THSD7B: variants seen among roughly 807,000 people sequenced by gnomAD.
THSD7B encodes thrombospondin type 1 domain containing 7B.
In THSD7B, 138 loss-of-function variants were observed where a neutral mutation model predicts 213.6. The ratio of observed to expected loss-of-function variants is 0.65; its 90% confidence interval spans 0.56 to 0.74. THSD7B has a LOEUF of 0.74. THSD7B is among the 30% of genes least tolerant of loss of function. The probability of loss-of-function intolerance (pLI) is 0.00; values close to 1 mark genes in which losing one functional copy is unlikely to be tolerated. For synonymous variants in THSD7B, 742 were observed against 687.0 expected (o/e 1.08, Z -1.25); for missense variants, 1,931 against 1,991.5 (o/e 0.97, Z 0.58).
chr2:137,465,237 C>A (rs1400896646), intron 15 of THSD7B, among the ~76,000 whole-genome samples: 1 of 151,322 alleles, frequency 6.6e-6, no homozygotes, highest in Non-Finnish European at 1.5e-5. Context: ...CCTTCAATGG[C>A]ATTCCCCATT....
At chr2:137,482,400 C>T (rs1688328022) in intron 15 of THSD7B, among the ~76,000 whole-genome samples, 1 of 152,158 alleles carries the variant, frequency 6.6e-6, no homozygotes, top group Admixed American at 6.5e-5. Context: ...TGTTTATTTA[C>T]TGTAGGACTT....
chr2:137,310,264 G>A (rs1174317206), intron 12 of THSD7B, among the ~76,000 whole-genome samples: 3 of 151,870 alleles, frequency 2.0e-5, no homozygotes, highest in African/African-American at 2.4e-5. Context: ...GTGATGGTGA[G>A]CATTTTTTCA....
In THSD7B at chr2:137,385,355, C is replaced by T. The variant is rs1685871185; in HGVS notation, c.2501-20258C>T. On this transcript the variant is annotated intron_variant, in intron 12 of 27. Coordinates refer to ENST00000409968, the MANE Select transcript of THSD7B (RefSeq NM_001316349.2). ...TCTGCCCTTAGATTCAGCAAGAGGG[C>T]ACCTGCCCTGGCCTCCATGCCCCTG... is the stretch of plus-strand genomic sequence containing the variant. 2.0e-5 allele frequency among the ~76,000 whole-genome samples: 3 copies of T among 152,104 alleles called. No homozygotes were observed. In the South Asian group the frequency reaches 6.2e-4, roughly 31 times the overall value.
chr2:137,211,381 T>C (rs1468020925), intron 7 of THSD7B, among the ~76,000 whole-genome samples: 1 of 9,062 alleles, frequency 1.1e-4, no homozygotes, highest in Non-Finnish European at 3.5e-4. Context: ...ATATTATAGA[T>C]GTTATAGTTG....
At chr2:137,566,529 G>C (rs892351341) in intron 16 of THSD7B, among the ~76,000 whole-genome samples, 1 of 152,180 alleles carries the variant, frequency 6.6e-6, no homozygotes, top group Non-Finnish European at 1.5e-5. Context: ...GGTGATGCCA[G>C]GGACTTGACC....
chr2:137,050,099 G>A (rs1177634080), intron 2 of THSD7B, among the ~76,000 whole-genome samples: 2 of 152,176 alleles, frequency 1.3e-5, no homozygotes, highest in Non-Finnish European at 2.9e-5. Context: ...ACTCTGGGCT[G>A]TAAGATTCTC....
chr2:137,573,824 T>A (rs891735879), intron 17 of THSD7B, among the ~76,000 whole-genome samples: 6 of 152,094 alleles, frequency 3.9e-5, no homozygotes, highest in South Asian at 2.1e-4. Flanking sequence ...ATGAACATTA[T>A]TCTATTGATG....
chr2:137,216,497 A>G (rs182427086), intron 7 of THSD7B, among the ~76,000 whole-genome samples: 7 of 152,142 alleles, frequency 4.6e-5, no homozygotes, highest in South Asian at 2.1e-4. Flanking sequence ...TGAATAAGGG[A>G]AATGGAACAG....
intron 12 of THSD7B, among the ~76,000 whole-genome samples, chr2:137,287,224 TA>T (rs970874643): frequency 1.3e-5 from 2 of 152,060 alleles, no homozygotes; most frequent in Admixed American, 6.6e-5. Flanking sequence ...TTAAGGAACT[TA>T]AAAAAATCTC....
At chr2:137,517,635 G>A (rs1343229533) in intron 15 of THSD7B, among the ~76,000 whole-genome samples, 1 of 152,170 alleles carries the variant, frequency 6.6e-6, no homozygotes, top group East Asian at 1.9e-4. Flanking sequence ...AGTTTTGAGT[G>A]GGATCTAGAA....
chr2:137,083,876 C>T (rs1483649256), intron 3 of THSD7B, among the ~76,000 whole-genome samples: 2 of 151,952 alleles, frequency 1.3e-5, no homozygotes, highest in African/African-American at 2.4e-5. Context: ...AGCATGATTT[C>T]GAATGGCCCA....
chr2:137,130,547 G>A (rs1420068282), intron 5 of THSD7B, among the ~76,000 whole-genome samples: 2 of 111,942 alleles, frequency 1.8e-5, no homozygotes, highest in African/African-American at 3.7e-5. Flanking sequence ...CCCCACAGCA[G>A]TCCCCAGAGT....
intron 14 of THSD7B, among the ~76,000 whole-genome samples, chr2:137,419,843 C>T (rs532057122): frequency 2.5e-4 from 38 of 152,036 alleles, no homozygotes; most frequent in African/African-American, 8.4e-4. Flanking sequence ...TTATCATTTG[C>T]TTTATACATT....
At chr2:137,374,750 G>A (rs558324974) in intron 12 of THSD7B, among the ~76,000 whole-genome samples, 33 of 152,308 alleles carry the variant, frequency 2.2e-4, no homozygotes, top group African/African-American at 7.0e-4. Flanking sequence ...ACACATAAGA[G>A]TGCACTCTAC....
At chr2:137,448,677 T>C (rs1259248299) in intron 14 of THSD7B, among the ~76,000 whole-genome samples, 1 of 152,108 alleles carries the variant, frequency 6.6e-6, no homozygotes, top group Non-Finnish European at 1.5e-5. Flanking sequence ...CGGGCGCCTG[T>C]AGTCCCAGCT....
intron 17 of THSD7B, among the ~76,000 whole-genome samples, chr2:137,608,814 A>G (rs1188190218): frequency 2.0e-5 from 3 of 152,248 alleles, no homozygotes; most frequent in Non-Finnish European, 1.5e-5. Flanking sequence ...AAGGTAAAGT[A>G]TAGGAAGAGA....
chr2:136,873,323 A>C (rs1293004140), intron 1 of THSD7B, among the ~76,000 whole-genome samples: 1 of 152,082 alleles, frequency 6.6e-6, no homozygotes, highest in Non-Finnish European at 1.5e-5. Context: ...ACATTCTTAC[A>C]TTTCACACCG....
intron 21 of THSD7B, among the ~76,000 whole-genome samples, chr2:137,642,934 C>A (rs1224369659): frequency 2.0e-5 from 3 of 152,086 alleles, no homozygotes; most frequent in African/African-American, 4.8e-5. Context: ...TTGGGAATAT[C>A]AAAGGATTAT....
Position 137,495,715 on chromosome 2 carries a change from C to G in THSD7B, c.3138+44692C>G, listed in dbSNP as rs553558557. Among the ~76,000 whole-genome samples the G allele has an allele frequency of 8.0e-4, 122 of 152,246 alleles. 1 individual carries two copies. Among genetic ancestry groups the G allele is most frequent in the African/African-American group, 2.5e-3 (103 of 41,548 alleles). ...CCCCCTTATCCCATACATTTCTGAG[C>G]AGTGAGTGGTTACACAACAAAAAGG... On this transcript the variant is annotated intron_variant, in intron 15 of 27. Transcript: ENST00000409968.
Sources: allele counts gnomAD v4.1 joint callset (sites outside exome capture counted in the v4.1 genomes callset), GRCh38; gene constraint gnomAD v4.1.1; transcripts MANE v1.5; gene names NCBI Gene and HGNC (gene_info 2026-07-23, HGNC 2026-07-21).